The following CDC42BPA variants were observed in gnomAD, a reference collection of about 807,000 sequenced individuals.
The protein encoded by CDC42BPA is CDC42 binding protein kinase alpha, also known as serine/threonine-protein kinase MRCK alpha.
CDC42BPA carries 80 observed loss-of-function variants against 223.5 expected under a neutral mutation model. The observed-to-expected ratio is 0.36, with a 90% confidence interval of 0.30 to 0.43. The LOEUF (loss-of-function observed/expected upper bound fraction) is 0.43. CDC42BPA is among the 20% of genes least tolerant of loss of function. CDC42BPA has a pLI of 1.00. For synonymous variants in CDC42BPA, 694 were observed against 718.6 expected (o/e 0.97, Z 0.55); for missense variants, 1,743 against 2,099.9 (o/e 0.83, Z 3.32).
chr1:227,067,576 G>C (rs1359072962), intron 21 of CDC42BPA, among the ~76,000 whole-genome samples: 1 of 152,108 alleles, frequency 6.6e-6, no homozygotes, highest in Admixed American at 6.6e-5. Flanking sequence ...TACACGAGGA[G>C]AGTTCTCTTT....
rs183460815 is a variant in CDC42BPA at position 227,267,364 on chromosome 1, C to T, written c.179-13209G>A. Among the ~76,000 whole-genome samples, 17 of 152,148 alleles carry T rather than the reference C, an allele frequency of 1.1e-4. No homozygotes were observed. The East Asian group carries it at 2.1e-3, about 19-fold the overall frequency. On this transcript the variant is annotated intron_variant, in intron 1 of 36. Transcript: ENST00000366766. The stretch of plus-strand genomic sequence containing the variant: ...TTAGATAAGATCATCTACTAGAAGA[C>T]CTGTGAGAGGGGAAGGAATAGTATT...
intron 2 of CDC42BPA, among the ~76,000 whole-genome samples, chr1:227,216,072 TAAAC>T (rs1403336316): frequency 6.6e-6 from 1 of 152,194 alleles, no homozygotes; most frequent in Non-Finnish European, 1.5e-5. Flanking sequence ...AGTATAATGT[TAAAC>T]AAATAAGTTT....
At chr1:227,096,120 T>G (rs776035684) in intron 15 of CDC42BPA, among the ~76,000 whole-genome samples, 3 of 152,194 alleles carry the variant, frequency 2.0e-5, no homozygotes, top group Non-Finnish European at 4.4e-5. Context: ...AATTATAATT[T>G]AAATGACAAA....
At chr1:227,105,360 T>C (rs1685730169) in intron 14 of CDC42BPA, among the ~76,000 whole-genome samples, 6 of 73,382 alleles carry the variant, frequency 8.2e-5, no homozygotes, top group Admixed American at 1.3e-4. Flanking sequence ...TATTCTCTTT[T>C]TTTTTTTTTT....
At position 227,035,474 on chromosome 1, in the gene CDC42BPA, G is replaced by C. The variant is rs748077380; in HGVS notation, c.3333C>G (p.Val1111=). Residue 1111 remains valine, a synonymous_variant, in exon 25 of 37, where the codon GTC becomes GTG. Coordinates refer to ENST00000366766, the MANE Select transcript of CDC42BPA (RefSeq NM_001394014.1). The part of the protein sequence containing the change: ...KGIGTAYEGH[V]RIPKPAGVKK... ...AACCCAACTTAATCATACTTACCCT[G>C]ACATGACCTTCATATGCTGTTCCTA... The C allele has an allele frequency of 1.0e-5, 16 of 1,605,884 alleles. No homozygotes were observed. The highest frequency in any genetic ancestry group is 1.4e-5 in the Non-Finnish European group (16 of 1,177,252).
At chr1:226,999,956 G>A (rs1219363902) in intron 35 of CDC42BPA, among the ~76,000 whole-genome samples, 1 of 151,544 alleles carries the variant, frequency 6.6e-6, no homozygotes, top group Admixed American at 6.6e-5. Context: ...TTGGGGGGTG[G>A]GGGGTTAGGG....
chr1:227,042,890 C>A (rs1434702535), intron 23 of CDC42BPA, among the ~76,000 whole-genome samples: 1 of 152,078 alleles, frequency 6.6e-6, no homozygotes, highest in Non-Finnish European at 1.5e-5. Flanking sequence ...AGAAAGAGTT[C>A]TTTTCTACTC....
chr1:227,147,832 G>T (rs2149689573), intron 6 of CDC42BPA, among the ~76,000 whole-genome samples: 1 of 151,114 alleles, frequency 6.6e-6, no homozygotes, highest in East Asian at 1.9e-4. Flanking sequence ...TACCAATTAA[G>T]AACAAACTGA....
At chr1:227,078,979 C>T (rs1400259180) in intron 17 of CDC42BPA, among the ~76,000 whole-genome samples, 2 of 152,024 alleles carry the variant, frequency 1.3e-5, no homozygotes, top group Non-Finnish European at 2.9e-5. Context: ...CAAAATACTT[C>T]CGGTCCCAAG....
intron 1 of CDC42BPA, among the ~76,000 whole-genome samples, chr1:227,268,681 C>CGTATATATAT (rs1558914340): frequency 7.1e-6 from 1 of 140,910 alleles, no homozygotes; most frequent in African/African-American, 2.7e-5. Context: ...TATATATATA[C>CGTATATATAT]ACACACACAC....
intron 23 of CDC42BPA, 78 bp from the exon 24 acceptor site, chr1:227,040,314 C>T: frequency 2.5e-6 from 2 of 788,606 alleles, no homozygotes; most frequent in Non-Finnish European, 4.3e-6. Flanking sequence ...CCCCATACCA[C>T]TTTCTAGAAT....
intron 6 of CDC42BPA, among the ~76,000 whole-genome samples, chr1:227,153,996 T>G (rs1008478126): frequency 7.2e-5 from 11 of 151,880 alleles, no homozygotes; most frequent in Admixed American, 2.0e-4. Flanking sequence ...ATATGACCAA[T>G]GTCATGTATG....
At chr1:227,170,353 C>G (rs1437396853) in intron 5 of CDC42BPA, among the ~76,000 whole-genome samples, 1 of 151,410 alleles carries the variant, frequency 6.6e-6, no homozygotes, top group Non-Finnish European at 1.5e-5. Context: ...GCCATCTTGA[C>G]AGTGATTCTT....
At chr1:227,198,438 C>CAAAAAAAAAAA (rs1176604134) in intron 4 of CDC42BPA, among the ~76,000 whole-genome samples, 62 of 50,486 alleles carry the variant, frequency 1.2e-3, no homozygotes, top group Non-Finnish European at 1.5e-3. Context: ...ATCCAGCAAA[C>CAAAAAAAAAAA]AAAAAAAAAA....
chr1:227,215,337 G>C (rs1674641090), intron 2 of CDC42BPA, among the ~76,000 whole-genome samples: 1 of 152,106 alleles, frequency 6.6e-6, no homozygotes, highest in Non-Finnish European at 1.5e-5. Context: ...TCCTAGTTTT[G>C]TCCTTAGCTG....
At chr1:227,279,533 T>C (rs4545305) in intron 1 of CDC42BPA, among the ~76,000 whole-genome samples, 14,836 of 152,046 alleles carry the variant, frequency 0.098, 1,161 homozygotes, top group East Asian at 0.36. Flanking sequence ...ATTTTCTTAC[T>C]TCACATATTA....
At chr1:227,205,793 A>G (rs1672617045) in intron 3 of CDC42BPA, among the ~76,000 whole-genome samples, 1 of 152,196 alleles carries the variant, frequency 6.6e-6, no homozygotes, top group Non-Finnish European at 1.5e-5. Context: ...TCACACCTGT[A>G]ATCCCAGCAC....
intron 3 of CDC42BPA, among the ~76,000 whole-genome samples, chr1:227,210,876 G>A (rs1673752279): frequency 6.6e-6 from 1 of 152,178 alleles, no homozygotes; most frequent in Admixed American, 6.6e-5. Context: ...GGTAGCCCAT[G>A]TCCACTGACT....
intron 1 of CDC42BPA, among the ~76,000 whole-genome samples, chr1:227,288,108 C>T (rs1689087864): frequency 6.6e-6 from 1 of 152,152 alleles, no homozygotes; most frequent in Non-Finnish European, 1.5e-5. Context: ...CATCAGTCCT[C>T]CTAGTAAAGC....
Sources: allele counts gnomAD v4.1 joint callset (sites outside exome capture counted in the v4.1 genomes callset), GRCh38; gene constraint gnomAD v4.1.1; transcripts MANE v1.5; gene names NCBI Gene and HGNC (gene_info 2026-07-23, HGNC 2026-07-21).